Variants in ATXN10 observed in about 807,000 individuals in gnomAD.
ATXN10 encodes ataxin-10.
Under a neutral mutation model 52.9 loss-of-function variants are expected in ATXN10, and 28 were observed. The observed-to-expected ratio is 0.53, with a 90% CI of 0.39 to 0.73. ATXN10 has a LOEUF of 0.73. Among genes scored for constraint, ATXN10 ranks in the 30% least tolerant of loss-of-function variants. The pLI is 0.00. For missense variants in ATXN10, 565 were observed against 577.0 expected (o/e 0.98, Z 0.21); for synonymous variants, 226 against 221.5 (o/e 1.02, Z -0.18).
rs1308560244 is a variant in ATXN10, at chr22:45,835,206, C to T, written c.1238-7785C>T. 6.6e-6 allele frequency among the ~76,000 whole-genome samples: 1 copy of T among 152,186 alleles called. No homozygotes were observed. The highest frequency in any genetic ancestry group is 2.4e-5 in the African/African-American group (1 of 41,440). ...AGGTCATCTTCCCATGACTTCACTG[C>T]CAGATGGACGGGCTCATGGGTCCTG... On this transcript the variant is annotated intron_variant, in intron 10 of 11. Coordinates refer to ENST00000252934, the MANE Select transcript of ATXN10 (RefSeq NM_013236.4). The surrounding 1 kb of genome is among the most constrained non-coding windows in gnomAD (Gnocchi z 5.0).
chr22:45,749,395 A>G (rs996560663), intron 9 of ATXN10, among the ~76,000 whole-genome samples: 3 of 152,154 alleles, frequency 2.0e-5, no homozygotes, highest in African/African-American at 4.8e-5. Flanking sequence ...TCACCACAAA[A>G]GAAGATGTTT....
At chr22:45,788,887 G>A (rs1411872455) in intron 9 of ATXN10, among the ~76,000 whole-genome samples, 1 of 152,090 alleles carries the variant, frequency 6.6e-6, no homozygotes, top group African/African-American at 2.4e-5. Context: ...GACCTCAAAT[G>A]ATCCTCCCAC....
At position 45,769,019 on chromosome 22, in the gene ATXN10, T is replaced by G. The variant is rs1173411927; in HGVS notation, c.1173+28481T>G. ...TTTAAATACTCTTGGTGGGAAAAAG[T>G]GTGGGAAGAAGACAGATGAAACAAG... On this transcript the variant is annotated intron_variant, in intron 9 of 11. Coordinates refer to ENST00000252934, the MANE Select transcript of ATXN10 (RefSeq NM_013236.4). The surrounding 1 kb of genome is among the most constrained non-coding windows in gnomAD (Gnocchi z 4.2). 6.6e-6 allele frequency among the ~76,000 whole-genome samples: 1 copy of G among 152,032 alleles called. No homozygotes were observed. The highest frequency in any genetic ancestry group is 1.5e-5 in the Non-Finnish European group (1 of 68,002).
Position 45,831,497 on chromosome 22 carries a change from G to T in ATXN10, c.1238-11494G>T, listed in dbSNP as rs528325854. On this transcript the variant is annotated intron_variant, in intron 10 of 11. Transcript: ENST00000252934. ...TAGTTTTCTAATTAATCATTCTTCA[G>T]GGTCAAAAAAAAGCAAACAGTTCTG... Among the ~76,000 whole-genome samples the T allele has an allele frequency of 3.9e-5, 6 of 152,166 alleles. No individual in the cohort carries two copies. The South Asian group carries it at 6.2e-4, about 16-fold the overall frequency.
Position 45,781,026 on chromosome 22 carries a change from C to A in ATXN10, c.1174-25933C>A, listed in dbSNP as rs1366783041. Among the ~76,000 whole-genome samples the A allele has an allele frequency of 1.3e-5, 2 of 152,174 alleles. No homozygotes were observed. Among genetic ancestry groups the A allele is most frequent in the Non-Finnish European group, 2.9e-5 (2 of 68,022 alleles). On this transcript the variant is annotated intron_variant, in intron 9 of 11. Coordinates refer to ENST00000252934, the MANE Select transcript of ATXN10 (RefSeq NM_013236.4). This position sits in a 1 kb window ranked among gnomAD's most constrained non-coding sequence, Gnocchi z 4.2. Reference sequence around the variant, plus strand: ...ACCCAGAAACACCAATGGGTGCAGACCAGAAAGCCCTGAGGAAAGCTCACT... The same window carrying A: ...ACCCAGAAACACCAATGGGTGCAGAACAGAAAGCCCTGAGGAAAGCTCACT...
rs1924134482 is a variant in ATXN10 at position 45,708,789 on chromosome 22, G to A, written c.647+5942G>A. On this transcript the variant is annotated intron_variant, in intron 5 of 11. Transcript: ENST00000252934. This position sits in a 1 kb window ranked among gnomAD's most constrained non-coding sequence, Gnocchi z 5.3. ...TGAGTAGCCAGGACTACAGGCGTGC[G>A]CCACCACGCCTGGCTAATTTTTTGT... 2.0e-5 allele frequency among the ~76,000 whole-genome samples: 3 copies of A among 152,032 alleles called. No homozygotes were observed. The highest frequency in any genetic ancestry group is 2.1e-4 in the South Asian group (1 of 4,818).
chr22:45,807,768 C>A (rs552051491), intron 10 of ATXN10, among the ~76,000 whole-genome samples: 16 of 152,308 alleles, frequency 1.1e-4, no homozygotes, highest in African/African-American at 3.6e-4. Flanking sequence ...CCAAACTTAG[C>A]TGTGTCCCTT....
chr22:45,842,660 G>T lies in ATXN10; in HGVS notation c.1238-331G>T, dbSNP rs990408647. On this transcript the variant is annotated intron_variant, in intron 10 of 11. Coordinates refer to ENST00000252934, the MANE Select transcript of ATXN10 (RefSeq NM_013236.4). This position sits in a 1 kb window ranked among gnomAD's most constrained non-coding sequence, Gnocchi z 4.8. Reference sequence around the variant, plus strand: ...CACGCACACACGTTTGCCTGTGTGTGTGTTCTTGGGTTCATAAACTTCAGT... The same window carrying T: ...CACGCACACACGTTTGCCTGTGTGTTTGTTCTTGGGTTCATAAACTTCAGT... Among the ~76,000 whole-genome samples the T allele has an allele frequency of 2.0e-5, 3 of 152,150 alleles. No homozygotes were observed. Among genetic ancestry groups the T allele is most frequent in the Admixed American group, 1.3e-4 (2 of 15,288 alleles).
chr22:45,754,370 T>C lies in ATXN10; in HGVS notation c.1173+13832T>C, dbSNP rs1601625770. Among the ~76,000 whole-genome samples, 1 of 152,212 alleles carries C rather than the reference T, an allele frequency of 6.6e-6. No individual in the cohort carries two copies. The highest frequency in any genetic ancestry group is 2.4e-5 in the African/African-American group (1 of 41,468). On this transcript the variant is annotated intron_variant, in intron 9 of 11. Coordinates refer to ENST00000252934, the MANE Select transcript of ATXN10 (RefSeq NM_013236.4). This position sits in a 1 kb window ranked among gnomAD's most constrained non-coding sequence, Gnocchi z 5.4. Reference sequence around the variant, plus strand: ...GATTTTACTTCCCTCATACATTTATTGTGAGGATTAAATTACTATTGATGA... The same window carrying C: ...GATTTTACTTCCCTCATACATTTATCGTGAGGATTAAATTACTATTGATGA...
chr22:45,726,164 C>T (rs192634469), intron 6 of ATXN10, among the ~76,000 whole-genome samples: 4 of 152,244 alleles, frequency 2.6e-5, no homozygotes, highest in Admixed American at 2.0e-4. Context: ...ATACTGGCTT[C>T]ATAGAGTGAA....
intron 9 of ATXN10, among the ~76,000 whole-genome samples, chr22:45,782,797 C>G (rs1467796736): frequency 6.6e-6 from 1 of 152,142 alleles, no homozygotes; most frequent in Admixed American, 6.5e-5. Flanking sequence ...CTCTTCTTAT[C>G]CATGGGGGAT....
At chr22:45,751,763 A>AAAAAAAAATAATAAT in intron 9 of ATXN10, among the ~76,000 whole-genome samples, 25 of 66,606 alleles carry the variant, frequency 3.8e-4, no homozygotes, top group East Asian at 1.2e-3. Flanking sequence ...AATAAAAAAA[A>AAAAAAAAATAATAAT]AATAATAATA....
In ATXN10 at chr22:45,774,507, C is replaced by T. The variant is rs558346920; in HGVS notation, c.1174-32452C>T. Among the ~76,000 whole-genome samples, 1 of 152,352 alleles carries T rather than the reference C, an allele frequency of 6.6e-6. No homozygotes were observed. Among genetic ancestry groups the T allele is most frequent in the South Asian group, 2.1e-4 (1 of 4,828 alleles). On this transcript the variant is annotated intron_variant, in intron 9 of 11. Transcript: ENST00000252934. The surrounding 1 kb of genome is among the most constrained non-coding windows in gnomAD (Gnocchi z 6.2). ...AGAGGAGATCGCTATTAGGAAATTCCAGATGTCCACCTGACACCTCCCTGC... is the reference window on the plus strand; with the variant it reads ...AGAGGAGATCGCTATTAGGAAATTCTAGATGTCCACCTGACACCTCCCTGC...
chr22:45,777,335 T>C (rs1327149935), intron 9 of ATXN10, among the ~76,000 whole-genome samples: 1 of 152,240 alleles, frequency 6.6e-6, no homozygotes, highest in East Asian at 1.9e-4. Context: ...TTAATGATGA[T>C]GGAATATTTC....
intron 10 of ATXN10, among the ~76,000 whole-genome samples, chr22:45,822,875 T>A (rs929931516): frequency 5.9e-5 from 9 of 152,198 alleles, no homozygotes; most frequent in African/African-American, 2.2e-4. Context: ...TATTTGGATT[T>A]CTTGTGTCAT....
intron 9 of ATXN10, among the ~76,000 whole-genome samples, chr22:45,806,318 ATG>A (rs2146883902): frequency 6.6e-6 from 1 of 152,092 alleles, no homozygotes; most frequent in South Asian, 2.1e-4. Flanking sequence ...ACATATTCTG[ATG>A]TCTTTTTAGT....
chr22:45,812,993 G>C (rs139069927), intron 10 of ATXN10, among the ~76,000 whole-genome samples: 4 of 152,302 alleles, frequency 2.6e-5, no homozygotes, highest in Non-Finnish European at 5.9e-5. Context: ...GAGACCACCA[G>C]GGATTTCCAA....
chr22:45,694,969 A>AAC (rs1923543743), intron 3 of ATXN10, among the ~76,000 whole-genome samples: 3 of 150,138 alleles, frequency 2.0e-5, no homozygotes, highest in African/African-American at 7.4e-5. Context: ...AAAAAAAACA[A>AAC]AACCCCAGAA....
rs918097355 is a variant in ATXN10 at position 45,688,839 on chromosome 22, TAA to T, written c.117-870_117-869del. ...AATGTGGCAACTTTCCTTCTAACGT[TAA>T]AAGAGATTTGCTGTTTCTTTAGGGG... On this transcript the variant is annotated intron_variant, in intron 1 of 11. Transcript: ENST00000252934. The surrounding 1 kb of genome is among the most constrained non-coding windows in gnomAD (Gnocchi z 4.0). Among the ~76,000 whole-genome samples the T allele has an allele frequency of 6.6e-6, 1 of 152,238 alleles. No individual in the cohort carries two copies. Among genetic ancestry groups the T allele is most frequent in the Non-Finnish European group, 1.5e-5 (1 of 68,042 alleles).
Sources: gnomAD v4.1 joint callset for allele counts (sites outside exome capture counted in the v4.1 genomes callset) on GRCh38, gnomAD v4.1.1 for gene constraint, Gnocchi (gnomAD v3.1) non-coding constraint, MANE v1.5 for transcripts, NCBI Gene and HGNC (gene_info 2026-07-23, HGNC 2026-07-21) for gene names.